The following TEKTL1 variants were observed in gnomAD, a reference collection of about 807,000 sequenced individuals.
TEKTL1 encodes the protein tektin-like protein 1.
At chr19:15,019,707 G>A in the TEKTL1 span, among the ~76,000 whole-genome samples, 1 of 152,018 alleles carries the variant, frequency 6.6e-6, no homozygotes, top group African/African-American at 2.4e-5. Flanking sequence ...ATATTTCCAG[G>A]CCAGGCACAG....
chr19:15,012,081 C>T, the TEKTL1 span, among the ~76,000 whole-genome samples: 1 of 151,348 alleles, frequency 6.6e-6, no homozygotes, highest in African/African-American at 2.4e-5. Flanking sequence ...CATAGTGAGA[C>T]CCCGTCTCTA....
chr19:15,018,409 A>G, the TEKTL1 span, among the ~76,000 whole-genome samples: 5 of 151,932 alleles, frequency 3.3e-5, no homozygotes, highest in Non-Finnish European at 7.4e-5. Context: ...TAAAAAAGTG[A>G]TTTTAAGACA....
At chr19:15,011,239 C>T in the TEKTL1 span, 15 of 1,492,540 alleles carry the variant, frequency 1.0e-5, no homozygotes, top group Non-Finnish European at 1.2e-5. Context: ...TCACCGCCGC[C>T]CGCCTCGGCC....
chr19:15,016,185 CTTTTTTTTTTTT>C, the TEKTL1 span, among the ~76,000 whole-genome samples: 47 of 66,760 alleles, frequency 7.0e-4, no homozygotes, highest in African/African-American at 2.8e-3. Context: ...GACAGCTGTC[CTTTTTTTTTTTT>C]TTTTTTTTTT....
chr19:15,011,016 G>A, the TEKTL1 span: 9 of 1,583,760 alleles, frequency 5.7e-6, no homozygotes, highest in South Asian at 6.9e-5. Context: ...CACCTCGGCC[G>A]CGCCGCCTAC....
At chr19:15,011,751 A>T in the TEKTL1 span, among the ~76,000 whole-genome samples, 44 of 144,054 alleles carry the variant, frequency 3.1e-4, no homozygotes, top group Admixed American at 5.6e-4. Context: ...AAAAAAAAAA[A>T]ATATTTCCAT....
chr19:15,020,658 A>G, the TEKTL1 span: 6 of 1,612,218 alleles, frequency 3.7e-6, no homozygotes, highest in Non-Finnish European at 5.1e-6. Context: ...CCTATAACCC[A>G]GGTAGGAGTC....
At chr19:15,023,187 G>A in the TEKTL1 span, 215 of 1,394,934 alleles carry the variant, frequency 1.5e-4, no homozygotes, top group African/African-American at 2.8e-3. Context: ...AGCAGACACA[G>A]CCCCATGGCC....
At chr19:15,018,941 T>C in the TEKTL1 span, among the ~76,000 whole-genome samples, 2 of 151,398 alleles carry the variant, frequency 1.3e-5, no homozygotes, top group Non-Finnish European at 2.9e-5. Context: ...AACTGTACTG[T>C]TCATGGTTGT....
the TEKTL1 span, chr19:15,020,598 C>A: frequency 3.7e-6 from 6 of 1,614,122 alleles, no homozygotes; most frequent in Non-Finnish European, 5.1e-6. Flanking sequence ...CCCGAGCCCC[C>A]ACTCCACGCA....
At chr19:15,020,397 A>C in the TEKTL1 span, 1 of 1,385,030 alleles carries the variant, frequency 7.2e-7, no homozygotes. Flanking sequence ...CAGAGAAATC[A>C]CTTGCATCCA....
chr19:15,014,203 T>G, the TEKTL1 span, among the ~76,000 whole-genome samples: 1 of 152,186 alleles, frequency 6.6e-6, no homozygotes, highest in African/African-American at 2.4e-5. Flanking sequence ...AGACTTGATC[T>G]CTCGCTGCAT....
the TEKTL1 span, among the ~76,000 whole-genome samples, chr19:15,020,150 G>A: frequency 3.7e-3 from 559 of 151,564 alleles, 2 homozygotes; most frequent in Non-Finnish European, 6.1e-3. Context: ...TTCACAAAAA[G>A]TTTTAAAAAT....
chr19:15,011,424 G>C, the TEKTL1 span: 1 of 1,401,076 alleles, frequency 7.1e-7, no homozygotes, highest in Non-Finnish European at 9.3e-7. Flanking sequence ...CCCAACCCCA[G>C]CCTAACTGCA....
chr19:15,020,483 C>G, the TEKTL1 span: 2 of 1,613,504 alleles, frequency 1.2e-6, no homozygotes, highest in Non-Finnish European at 1.7e-6. Context: ...TGCCGAGACA[C>G]TCTGAACTTC....
the TEKTL1 span, chr19:15,010,893 A>T: frequency 5.1e-6 from 8 of 1,566,422 alleles, no homozygotes; most frequent in Admixed American, 1.3e-4. Flanking sequence ...GCATGGCGCG[A>T]GGCAGCTCAG....
the TEKTL1 span, among the ~76,000 whole-genome samples, chr19:15,016,271 C>A: frequency 6.9e-6 from 1 of 145,284 alleles, no homozygotes; most frequent in South Asian, 2.2e-4. Flanking sequence ...CTCACTGCAA[C>A]CTCTGCCTTC....
At chr19:15,014,914 T>G in the TEKTL1 span, among the ~76,000 whole-genome samples, 4 of 151,890 alleles carry the variant, frequency 2.6e-5, no homozygotes, top group African/African-American at 9.7e-5. Context: ...AAGAGGGAAA[T>G]GGATCATGCC....
At chr19:15,013,906 G>C in the TEKTL1 span, 10 of 626,908 alleles carry the variant, frequency 1.6e-5, no homozygotes, top group East Asian at 2.8e-4. Flanking sequence ...GATATTCACT[G>C]CATTTTGCTT....
Sources: gnomAD v4.1 joint callset for allele counts (sites outside exome capture counted in the v4.1 genomes callset) on GRCh38, gnomAD v4.1.1 for gene constraint, MANE v1.5 for transcripts, NCBI Gene and HGNC (gene_info 2026-07-23, HGNC 2026-07-21) for gene names.